The following MYH9 variants were observed in gnomAD, a reference collection of about 807,000 sequenced individuals.
The protein encoded by MYH9 is myosin heavy chain 9, also known as myosin-9.
MYH9 carries 29 observed loss-of-function variants against 241.9 expected under a neutral mutation model. That is an observed-to-expected ratio of 0.12 (90% CI 0.09 to 0.16). MYH9 has a LOEUF of 0.16. Ranked by LOEUF, MYH9 falls within the 10% of genes least tolerant of loss-of-function variation. The pLI is 1.00. For missense variants in MYH9, 1,803 were observed against 2,595.5 expected (o/e 0.69, Z 6.63); for synonymous variants, 1,047 against 1,062.6 (o/e 0.99, Z 0.29).
At chr22:36,290,821 T>C (rs6000231) in intron 31 of MYH9, among the ~76,000 whole-genome samples, 16,816 of 144,838 alleles carry the variant, frequency 0.12, 2,650 homozygotes, top group African/African-American at 0.37. Context: ...ATGTGAGGAG[T>C]GCCTCTGCCC....
chr22:36,337,807 G>C (rs1315294761), intron 3 of MYH9, among the ~76,000 whole-genome samples: 2 of 152,078 alleles, frequency 1.3e-5, no homozygotes, highest in East Asian at 3.9e-4. Flanking sequence ...AGACCCCGAG[G>C]CTCCACGGGT....
chr22:36,309,958 T>C lies in MYH9; in HGVS notation c.1729-562A>G, dbSNP rs935852993. On this transcript the variant is annotated intron_variant, in intron 14 of 40. Coordinates refer to ENST00000216181, the MANE Select transcript of MYH9 (RefSeq NM_002473.6). ...TAGATTCCTTTTTTCTCATTTTAAA[T>C]AGAGATAGGGGCTGGGTGCGGTGGC... 4.6e-5 allele frequency among the ~76,000 whole-genome samples: 7 copies of C among 152,178 alleles called. No homozygotes were observed. The South Asian group carries it at 1.5e-3, about 32-fold the overall frequency.
At chr22:36,376,862 A>G (rs2018175895) in intron 1 of MYH9, among the ~76,000 whole-genome samples, 1 of 152,178 alleles carries the variant, frequency 6.6e-6, no homozygotes, top group African/African-American at 2.4e-5. Flanking sequence ...CTAGAGTTTG[A>G]GACCAGCCTA....
At chr22:36,353,918 T>C (rs1430298317) in intron 1 of MYH9, among the ~76,000 whole-genome samples, 7 of 152,172 alleles carry the variant, frequency 4.6e-5, no homozygotes, top group Non-Finnish European at 1.0e-4. Context: ...TTTTGTTTTT[T>C]GAGATGAAGT....
chr22:36,290,118 A>T (rs2016661674), intron 31 of MYH9, among the ~76,000 whole-genome samples: 1 of 152,174 alleles, frequency 6.6e-6, no homozygotes, highest in Non-Finnish European at 1.5e-5. Context: ...ATGAATGCAT[A>T]AATAAATCGT....
At position 36,300,099 on chromosome 22, in the gene MYH9, AGCG is replaced by A. The variant is rs781329589; in HGVS notation, c.2976+25_2976+27del. ...CTCCCATCCACGGCGCCCCTGGAGCAGCGGCAGGCGACAGCCACGGGCCTCACC... is the reference window on the plus strand; with the variant it reads ...CTCCCATCCACGGCGCCCCTGGAGCAGCAGGCGACAGCCACGGGCCTCACC... On this transcript the variant is annotated intron_variant, in intron 23 of 40. Coordinates refer to ENST00000216181, the MANE Select transcript of MYH9 (RefSeq NM_002473.6). This position sits in a 1 kb window ranked among gnomAD's most constrained non-coding sequence, Gnocchi z 5.0. The A allele has an allele frequency of 1.9e-5, 31 of 1,607,168 alleles. No homozygotes were observed. The African/African-American group carries it at 3.2e-4, about 17-fold the overall frequency.
intron 1 of MYH9, among the ~76,000 whole-genome samples, chr22:36,376,341 T>G (rs922360335): frequency 2.0e-5 from 3 of 152,146 alleles, no homozygotes; most frequent in African/African-American, 2.4e-5. Context: ...CATGCCCACC[T>G]TCCCATCCTC....
chr22:36,297,927 C>A (rs748971853), intron 24 of MYH9, among the ~76,000 whole-genome samples: 1 of 152,198 alleles, frequency 6.6e-6, no homozygotes, highest in African/African-American at 2.4e-5. Context: ...GCTCTGACAG[C>A]TCCGTGTCTA....
In MYH9 at chr22:36,322,594, G is replaced by C. The variant is rs1248517320; in HGVS notation, c.613-73C>G. 9 of 1,451,258 alleles carry C rather than the reference G, an allele frequency of 6.2e-6. No individual in the cohort carries two copies. In the South Asian group the frequency reaches 8.0e-5, roughly 13 times the overall value. The allele number at this position is 1,451,258 out of a possible 1,614,324, so 89.9% of individuals were successfully genotyped here. ...TGCCGAGCCTGCCCTGCCTGGAAGG[G>C]GGACGATGGCAGAGCCGTGTCAGCA... On this transcript the variant is annotated intron_variant, in intron 5 of 40. Transcript: ENST00000216181.
chr22:36,368,949 G>A (rs988598483), intron 1 of MYH9, among the ~76,000 whole-genome samples: 5 of 152,024 alleles, frequency 3.3e-5, no homozygotes, highest in African/African-American at 1.2e-4. Context: ...TTCAACCTAA[G>A]GGTCATTAAA....
rs369414649 is a variant in MYH9, at chr22:36,294,314, G to A, written c.3631-16C>T. 6.2e-7 allele frequency: 1 copy of A among 1,612,432 alleles called. No homozygotes were observed. The highest frequency in any genetic ancestry group is 8.5e-7 in the Non-Finnish European group (1 of 1,179,912). On this transcript the variant is annotated splice_polypyrimidine_tract_variant and intron_variant, in intron 27 of 40. Coordinates refer to ENST00000216181, the MANE Select transcript of MYH9 (RefSeq NM_002473.6). ...TTGCTTTCACCTAGCAGGGAAGAAA[G>A]CAAAGACGTGAGTGGGGGCCTCCTG...
chr22:36,304,211 A>G, intron 18 of MYH9, 56 bp from the exon 19 acceptor site: 1 of 1,594,374 alleles, frequency 6.3e-7, no homozygotes, highest in Non-Finnish European at 8.6e-7. Context: ...AGCTCCATGA[A>G]AGGGTGGCCC....
intron 14 of MYH9, among the ~76,000 whole-genome samples, chr22:36,310,536 T>C (rs999294474): frequency 3.3e-5 from 5 of 152,186 alleles, no homozygotes; most frequent in African/African-American, 1.2e-4. Flanking sequence ...CCAGAGGTGC[T>C]CCCCTCAGTA....
rs1040857152 is a variant in MYH9 at position 36,338,054 on chromosome 22, A to G, written c.490+3316T>C. ...GCTCTGTTGCCCAGGCTGGAGTCCAATGACACGATCTCAGCTCACTGCAAC... is the reference window on the plus strand; with the variant it reads ...GCTCTGTTGCCCAGGCTGGAGTCCAGTGACACGATCTCAGCTCACTGCAAC... On this transcript the variant is annotated intron_variant, in intron 3 of 40. Transcript: ENST00000216181. Among the ~76,000 whole-genome samples the G allele has an allele frequency of 6.6e-5, 10 of 151,818 alleles. No homozygotes were observed. The East Asian group carries it at 1.2e-3, about 18-fold the overall frequency.
At chr22:36,301,395 G>A in intron 21 of MYH9, 139 bp downstream of exon 21, 1 of 1,182,992 alleles carries the variant, frequency 8.5e-7, no homozygotes, top group East Asian at 2.5e-5. Flanking sequence ...ACTGGTCACT[G>A]TTTACAGTAA....
At chr22:36,324,131 A>G (rs2017298947) in intron 5 of MYH9, among the ~76,000 whole-genome samples, 1 of 152,192 alleles carries the variant, frequency 6.6e-6, no homozygotes, top group Admixed American at 6.5e-5. Context: ...CCTGGCTGGG[A>G]GGCGAACTGA....
chr22:36,311,281 AGTGTTG>A (rs979866229), intron 14 of MYH9, among the ~76,000 whole-genome samples: 2 of 152,182 alleles, frequency 1.3e-5, no homozygotes, highest in African/African-American at 4.8e-5. Context: ...CTGCTAGGTA[AGTGTTG>A]AGGGCAGGTC....
Position 36,300,717 on chromosome 22 carries a change from G to C in MYH9, c.2838+134C>G, listed in dbSNP as rs1023658831. 1.2e-5 allele frequency: 12 copies of C among 977,700 alleles called. No individual in the cohort carries two copies. The highest frequency in any genetic ancestry group is 1.7e-5 in the Non-Finnish European group (11 of 637,864). 60.6% of individuals were successfully genotyped at this position (977,700 alleles called of 1,614,324 possible). ...GCCCAAAGGGAACACCTCTCACTGA[G>C]AGCCCCAAGCAGATTGCGTGAGGAG... On this transcript the variant is annotated intron_variant, in intron 22 of 40. Transcript: ENST00000216181. This position sits in a 1 kb window ranked among gnomAD's most constrained non-coding sequence, Gnocchi z 5.0.
At chr22:36,327,952 C>A (rs1057135037) in intron 3 of MYH9, among the ~76,000 whole-genome samples, 7 of 152,258 alleles carry the variant, frequency 4.6e-5, no homozygotes, top group Admixed American at 6.5e-5. Context: ...GGAGGGGTGA[C>A]GAGGCCTGGC....
Sources: gnomAD v4.1 joint callset for allele counts (sites outside exome capture counted in the v4.1 genomes callset) on GRCh38, gnomAD v4.1.1 for gene constraint, Gnocchi (gnomAD v3.1) non-coding constraint, MANE v1.5 for transcripts, NCBI Gene and HGNC (gene_info 2026-07-23, HGNC 2026-07-21) for gene names.